The following RBM19 variants were observed in gnomAD, a reference collection of about 807,000 sequenced individuals.
RBM19 encodes the protein probable RNA-binding protein 19.
A neutral mutation model predicts 116.8 loss-of-function variants in RBM19; 94 were observed. The observed-to-expected ratio is 0.80, with a 90% CI of 0.68 to 0.95. The LOEUF (loss-of-function observed/expected upper bound fraction) is 0.95, where lower values mean the gene tolerates loss of function less well. Among genes scored for constraint, RBM19 ranks in the 40% least tolerant of loss-of-function variants. The pLI is 0.00. For missense variants in RBM19, 1,161 were observed against 1,220.7 expected, an observed-to-expected ratio of 0.95 and a Z score of 0.73; for synonymous variants, 475 against 494.1, an observed-to-expected ratio of 0.96 and a Z score of 0.51.
chr12:113,884,298 T>TATAC (rs139812800), intron 21 of RBM19, among the ~76,000 whole-genome samples: 1 of 137,298 alleles, frequency 7.3e-6, no homozygotes, highest in Non-Finnish European at 1.5e-5. Flanking sequence ...AAAAAAAGTA[T>TATAC]ACACACACAC....
At chr12:113,907,019 G>A (rs58248007) in intron 21 of RBM19, among the ~76,000 whole-genome samples, 18,866 of 151,986 alleles carry the variant, frequency 0.12, 1,374 homozygotes, top group East Asian at 0.31. Flanking sequence ...TTCCAGGAGC[G>A]GGAGGAAGCG....
intron 1 of RBM19, among the ~76,000 whole-genome samples, chr12:113,965,249 T>A (rs1269107081): frequency 7.1e-6 from 1 of 140,840 alleles, no homozygotes; most frequent in Non-Finnish European, 1.5e-5. Flanking sequence ...TCCACCGCAG[T>A]CCAGCCTGGG....
At chr12:113,849,242 C>T (rs1389968989) in intron 22 of RBM19, among the ~76,000 whole-genome samples, 2 of 152,220 alleles carry the variant, frequency 1.3e-5, no homozygotes, top group Non-Finnish European at 2.9e-5. Context: ...CAATCTTGAA[C>T]CCTGGAGGGA....
At chr12:113,912,398 C>T (rs1038184520) in intron 21 of RBM19, among the ~76,000 whole-genome samples, 3 of 152,222 alleles carry the variant, frequency 2.0e-5, no homozygotes, top group Non-Finnish European at 4.4e-5. Context: ...CATTTGGTCC[C>T]ACTGGAATGA....
chr12:113,920,812 T>C, intron 18 of RBM19, 122 bp from the exon 19 acceptor site: 1 of 850,772 alleles, frequency 1.2e-6, no homozygotes, highest in Admixed American at 2.2e-5. Flanking sequence ...CCCCCTTCAT[T>C]CCCCCCAAAA....
intron 9 of RBM19, 45 bp from the exon 10 acceptor site, chr12:113,949,081 T>G: frequency 6.5e-7 from 1 of 1,529,576 alleles, no homozygotes; most frequent in East Asian, 2.3e-5. Flanking sequence ...GCCTAGAACT[T>G]GCCAGCAACT....
intron 21 of RBM19, among the ~76,000 whole-genome samples, chr12:113,863,087 G>A (rs1057382060): frequency 6.6e-6 from 1 of 152,008 alleles, no homozygotes; most frequent in Non-Finnish European, 1.5e-5. Flanking sequence ...GGAGGGGGGA[G>A]GAGGTGGGAT....
In RBM19 at chr12:113,918,420, C is replaced by G. The variant is rs574667329; in HGVS notation, c.2413G>C (p.Glu805Gln). 5 of 1,614,214 alleles carry G rather than the reference C, an allele frequency of 3.1e-6. No homozygotes were observed. The East Asian group carries it at 1.1e-4, about 36-fold the overall frequency. Residue 805 changes from glutamate (E) to glutamine (Q), a missense_variant, in exon 20 of 24, where the codon GAA (glutamate) becomes CAA (glutamine). By Grantham distance (29) the Glu-to-Gln change is conservative. Transcript: ENST00000261741. ...GTGGCTCGTTCCGAGATCCTCACTT[C>G]CAGCTTGTGGCCGTCCACGACGTGA... ...QGHVVDGHKL[E>Q]VRISERATKP...
intron 21 of RBM19, among the ~76,000 whole-genome samples, chr12:113,908,199 C>G (rs1410083480): frequency 6.6e-6 from 1 of 152,184 alleles, no homozygotes; most frequent in African/African-American, 2.4e-5. Context: ...AGTCTTCCCC[C>G]ATCCTGCTCT....
chr12:113,845,654 A>C (rs1876903792), intron 22 of RBM19, among the ~76,000 whole-genome samples: 2 of 151,962 alleles, frequency 1.3e-5, no homozygotes, highest in South Asian at 4.1e-4. Flanking sequence ...GTCTCTATGG[A>C]TTTGCATATT....
intron 20 of RBM19, among the ~76,000 whole-genome samples, chr12:113,916,918 C>G (rs1882808401): frequency 6.6e-6 from 1 of 152,212 alleles, no homozygotes; most frequent in Non-Finnish European, 1.5e-5. Flanking sequence ...TCTTTTCAGC[C>G]TTTAAGTTCT....
intron 21 of RBM19, among the ~76,000 whole-genome samples, chr12:113,909,640 A>C (rs1269641778): frequency 6.6e-6 from 1 of 152,184 alleles, no homozygotes. Context: ...AGCTTCCCAC[A>C]GAGAAGACAG....
intron 21 of RBM19, among the ~76,000 whole-genome samples, chr12:113,875,623 C>T (rs1178190160): frequency 6.6e-6 from 1 of 152,154 alleles, no homozygotes; most frequent in Non-Finnish European, 1.5e-5. Context: ...TAATAAGAAA[C>T]CCAGTTAGGA....
At chr12:113,942,594 C>CTT (rs71443067) in intron 13 of RBM19, among the ~76,000 whole-genome samples, 160 bp from the exon 14 acceptor site, 8,245 of 125,720 alleles carry the variant, frequency 0.066, 985 homozygotes, top group African/African-American at 0.24. Context: ...CGGCTCTGTG[C>CTT]TTTTTTTTTT....
Position 113,903,759 on chromosome 12 carries a change from T to C in RBM19, c.2558+11210A>G, listed in dbSNP as rs183674295. Among the ~76,000 whole-genome samples the C allele has an allele frequency of 1.3e-5, 2 of 152,364 alleles. No homozygotes were observed. Among genetic ancestry groups the C allele is most frequent in the Admixed American group, 1.3e-4 (2 of 15,306 alleles). ...GAGCCCTGAATATTCCTCTTGGGCA[T>C]TCCTTTTGTAGGCTGGCCAACCCTA... On this transcript the variant is annotated intron_variant, in intron 21 of 23. Coordinates refer to ENST00000261741, the MANE Select transcript of RBM19 (RefSeq NM_016196.4). The surrounding 1 kb of genome is among the most constrained non-coding windows in gnomAD (Gnocchi z 5.1).
chr12:113,832,339 G>A lies in RBM19; in HGVS notation c.2786-9018C>T, dbSNP rs923090144. 5.3e-5 allele frequency among the ~76,000 whole-genome samples: 8 copies of A among 152,108 alleles called. No homozygotes were observed. The South Asian group carries it at 6.2e-4, about 12-fold the overall frequency. ...TGAGTAGCTAGGATTACGGGCGCAC[G>A]CCACCACACCTGGCTAATTTTTGTA... On this transcript the variant is annotated intron_variant, in intron 23 of 23. Coordinates refer to ENST00000261741, the MANE Select transcript of RBM19 (RefSeq NM_016196.4).
chr12:113,924,076 G>T (rs769322592), intron 18 of RBM19, among the ~76,000 whole-genome samples: 1 of 151,514 alleles, frequency 6.6e-6, no homozygotes. Flanking sequence ...AAGCAAGGAC[G>T]TATCCCCTGC....
At chr12:113,938,444 CTA>C (rs1490625392) in intron 15 of RBM19, among the ~76,000 whole-genome samples, 1 of 111,002 alleles carries the variant, frequency 9.0e-6, no homozygotes, top group African/African-American at 4.7e-5. Context: ...ATATGAATAC[CTA>C]TCTCTAAGAA....
At chr12:113,946,714 C>A (rs1871055723) in intron 11 of RBM19, among the ~76,000 whole-genome samples, 1 of 152,182 alleles carries the variant, frequency 6.6e-6, no homozygotes, top group Non-Finnish European at 1.5e-5. Flanking sequence ...CAGTGTATAA[C>A]CCCGCACCCG....
Sources: allele counts gnomAD v4.1 joint callset (sites outside exome capture counted in the v4.1 genomes callset), GRCh38; gene constraint gnomAD v4.1.1; non-coding constraint Gnocchi (gnomAD v3.1); transcripts MANE v1.5; gene names NCBI Gene and HGNC (gene_info 2026-07-23, HGNC 2026-07-21).